Variants in NAALADL2 observed in about 807,000 individuals in gnomAD.
NAALADL2 encodes the protein N-acetylated alpha-linked acidic dipeptidase like 2.
A neutral mutation model predicts 87.2 loss-of-function variants in NAALADL2; 76 were observed. The observed-to-expected ratio is 0.87, with a 90% CI of 0.72 to 1.05. The LOEUF is 1.05. Ranked by LOEUF, NAALADL2 falls within the 50% of genes least tolerant of loss-of-function variation. The pLI, the probability that NAALADL2 is intolerant of heterozygous loss-of-function variation, is 0.00. For synonymous variants in NAALADL2, 354 were observed against 331.0 expected (o/e 1.07, Z -0.75); for missense variants, 1,089 against 945.8 (o/e 1.15, Z -1.99).
At chr3:175,038,148 A>G (rs1753639444) in intron 1 of NAALADL2, among the ~76,000 whole-genome samples, 1 of 152,138 alleles carries the variant, frequency 6.6e-6, no homozygotes, top group African/African-American at 2.4e-5. Flanking sequence ...AAAATCTTTA[A>G]ATAGAAAATG....
chr3:174,867,279 G>T (rs759560134), intron 1 of NAALADL2, among the ~76,000 whole-genome samples: 4 of 151,808 alleles, frequency 2.6e-5, no homozygotes, highest in African/African-American at 9.7e-5. Context: ...AAGCTGATCC[G>T]CTATTAACAC....
chr3:175,461,549 G>A (rs1318161629), intron 6 of NAALADL2, among the ~76,000 whole-genome samples: 1 of 152,156 alleles, frequency 6.6e-6, no homozygotes, highest in Non-Finnish European at 1.5e-5. Context: ...GTAAGAATGT[G>A]ATCCAGTAAA....
chr3:174,979,048 A>G (rs962525806), intron 1 of NAALADL2, among the ~76,000 whole-genome samples: 3 of 152,128 alleles, frequency 2.0e-5, no homozygotes, highest in African/African-American at 4.8e-5. Flanking sequence ...CTCAGAAAAG[A>G]TGTTGCCTAT....
At chr3:174,874,126 G>C (rs1445774453) in intron 1 of NAALADL2, among the ~76,000 whole-genome samples, 1 of 152,052 alleles carries the variant, frequency 6.6e-6, no homozygotes, top group Non-Finnish European at 1.5e-5. Context: ...AAACAGAGTG[G>C]ATGGTAGTAT....
chr3:175,716,071 T>C lies in NAALADL2; in HGVS notation c.1897-21235T>C, dbSNP rs139831311. Among the ~76,000 whole-genome samples, 1,197 of 149,342 alleles carry C rather than the reference T, an allele frequency of 8.0e-3. 5 individuals are homozygous for C. The highest frequency in any genetic ancestry group is 0.011 in the Non-Finnish European group (767 of 67,492). Reference sequence around the variant, plus strand: ...AAGACAGCCACACTCAAATAACATATATAATATGTTACATATATCATATGT... The same window carrying C: ...AAGACAGCCACACTCAAATAACATACATAATATGTTACATATATCATATGT... On this transcript the variant is annotated intron_variant, in intron 11 of 13. Coordinates refer to ENST00000454872, the MANE Select transcript of NAALADL2 (RefSeq NM_207015.3).
intron 2 of NAALADL2, among the ~76,000 whole-genome samples, chr3:175,199,870 T>A (rs1435757785): frequency 0.014 from 296 of 20,518 alleles, 1 homozygote; most frequent in East Asian, 0.021. Context: ...ATATATTTTT[T>A]TTTTTTTTTT....
chr3:175,408,194 T>G (rs892671042), intron 5 of NAALADL2, among the ~76,000 whole-genome samples: 1 of 152,032 alleles, frequency 6.6e-6, no homozygotes, highest in Non-Finnish European at 1.5e-5. Flanking sequence ...GAACTCAGTT[T>G]TGGTGATCTA....
At chr3:175,115,566 A>C (rs1230537957) in intron 2 of NAALADL2, among the ~76,000 whole-genome samples, 3 of 151,720 alleles carry the variant, frequency 2.0e-5, no homozygotes, top group Non-Finnish European at 2.9e-5. Context: ...AGAGAATGCT[A>C]TTAAGCAGCA....
chr3:174,651,228 A>G (rs993703517), intron 2 of NAALADL2, among the ~76,000 whole-genome samples: 7 of 152,192 alleles, frequency 4.6e-5, no homozygotes, highest in African/African-American at 1.7e-4. Context: ...AGTGCTCGTA[A>G]TTAAGTTCCT....
intron 2 of NAALADL2, among the ~76,000 whole-genome samples, chr3:174,723,099 A>T (rs1400071771): frequency 6.6e-6 from 1 of 152,160 alleles, no homozygotes; most frequent in Non-Finnish European, 1.5e-5. Flanking sequence ...AGAGACAGAG[A>T]GACTGAATCA....
intron 1 of NAALADL2, among the ~76,000 whole-genome samples, chr3:175,033,620 G>A (rs1247882069): frequency 5.3e-5 from 8 of 151,984 alleles, no homozygotes; most frequent in African/African-American, 1.9e-4. Context: ...ATTTGACACA[G>A]GTGGTCTCTC....
chr3:175,348,910 T>A (rs1428192331), intron 5 of NAALADL2, among the ~76,000 whole-genome samples: 2 of 152,182 alleles, frequency 1.3e-5, no homozygotes, highest in Non-Finnish European at 2.9e-5. Flanking sequence ...TAACCGTTTA[T>A]AAAGTTTTGA....
intron 3 of NAALADL2, among the ~76,000 whole-genome samples, chr3:174,786,317 G>C (rs1475366753): frequency 4.0e-5 from 6 of 151,736 alleles, no homozygotes; most frequent in Non-Finnish European, 8.8e-5. Flanking sequence ...CGGGTGTGGT[G>C]GCATGCGCTT....
At chr3:174,927,602 A>G (rs1736264893) in intron 1 of NAALADL2, among the ~76,000 whole-genome samples, 1 of 152,212 alleles carries the variant, frequency 6.6e-6, no homozygotes, top group South Asian at 2.1e-4. Flanking sequence ...CTGCTCCTGA[A>G]TGACTACTGG....
chr3:175,552,939 T>A (rs1714664642), intron 9 of NAALADL2, among the ~76,000 whole-genome samples: 1 of 152,150 alleles, frequency 6.6e-6, no homozygotes, highest in Non-Finnish European at 1.5e-5. Context: ...TAGGTTATTT[T>A]TATATATTTT....
chr3:174,960,150 G>A (rs1741766427), intron 1 of NAALADL2, among the ~76,000 whole-genome samples: 1 of 152,018 alleles, frequency 6.6e-6, no homozygotes, highest in Non-Finnish European at 1.5e-5. Flanking sequence ...GCAATAAGTG[G>A]TAAAGTCTAG....
chr3:174,831,617 T>C (rs1336225385), intron 3 of NAALADL2, among the ~76,000 whole-genome samples: 3 of 151,168 alleles, frequency 2.0e-5, no homozygotes, highest in Non-Finnish European at 3.0e-5. Flanking sequence ...ATGATGCTGG[T>C]CTCATAAAAA....
At chr3:175,802,828 T>C (rs1199116244) in intron 13 of NAALADL2, among the ~76,000 whole-genome samples, 177 bp from the exon 14 acceptor site, 1 of 151,990 alleles carries the variant, frequency 6.6e-6, no homozygotes. Flanking sequence ...GGGAAACTAT[T>C]GGTGATCAAT....
intron 11 of NAALADL2, among the ~76,000 whole-genome samples, chr3:175,636,139 C>T (rs903389656): frequency 1.3e-5 from 2 of 151,894 alleles, no homozygotes; most frequent in East Asian, 1.9e-4. Context: ...TTAATGGCAC[C>T]GATTTTCAGC....
Sources: gnomAD v4.1 joint callset for allele counts (sites outside exome capture counted in the v4.1 genomes callset) on GRCh38, gnomAD v4.1.1 for gene constraint, MANE v1.5 for transcripts, NCBI Gene and HGNC (gene_info 2026-07-23, HGNC 2026-07-21) for gene names.